Variants in ADAMTSL1 observed in about 807,000 individuals in gnomAD.
The protein encoded by ADAMTSL1 is ADAMTS-like protein 1.
In ADAMTSL1, 126 loss-of-function variants were observed where a neutral mutation model predicts 201.8. The ratio of observed to expected loss-of-function variants is 0.62; its 90% CI spans 0.54 to 0.72. The LOEUF is 0.72. Among genes scored for constraint, ADAMTSL1 ranks in the 30% least tolerant of loss-of-function variants. ADAMTSL1 has a pLI of 0.00. For missense variants in ADAMTSL1, 2,679 were observed against 2,277.8 expected, an observed-to-expected ratio of 1.18 and a Z score of -3.59; for synonymous variants, 1,121 against 903.4, an observed-to-expected ratio of 1.24 and a Z score of -4.32.
chr9:18,798,031 C>T (rs1180191890), intron 20 of ADAMTSL1, among the ~76,000 whole-genome samples: 1 of 151,556 alleles, frequency 6.6e-6, no homozygotes. Flanking sequence ...CTCAGCACTA[C>T]TATGTTTTTA....
intron 20 of ADAMTSL1, among the ~76,000 whole-genome samples, chr9:18,809,503 C>G (rs1368650710): frequency 1.3e-5 from 2 of 152,088 alleles, no homozygotes; most frequent in Admixed American, 6.6e-5. Context: ...TGAAAAGGAG[C>G]TTGAGGCCGG....
intron 1 of ADAMTSL1, among the ~76,000 whole-genome samples, chr9:18,062,623 G>A (rs1406377237): frequency 6.6e-6 from 1 of 152,250 alleles, no homozygotes; most frequent in African/African-American, 2.4e-5. Flanking sequence ...GACAGTCTGA[G>A]TAAGGAGAAC....
chr9:18,324,739 G>A (rs1834761580), intron 2 of ADAMTSL1, among the ~76,000 whole-genome samples: 1 of 151,132 alleles, frequency 6.6e-6, no homozygotes, highest in Non-Finnish European at 1.5e-5. Flanking sequence ...ACTCCAGCCT[G>A]GGCAACAAGA....
At chr9:17,928,995 A>G (rs1324187008) in intron 1 of ADAMTSL1, among the ~76,000 whole-genome samples, 1 of 152,020 alleles carries the variant, frequency 6.6e-6, no homozygotes, top group Non-Finnish European at 1.5e-5. Flanking sequence ...TCCTGAGTGC[A>G]TGTGTGGGTG....
chr9:18,149,068 T>G (rs1021847300), intron 1 of ADAMTSL1, among the ~76,000 whole-genome samples: 1 of 152,100 alleles, frequency 6.6e-6, no homozygotes, highest in Non-Finnish European at 1.5e-5. Flanking sequence ...AAGTGGCTTA[T>G]GCTGTAGAGG....
chr9:17,982,388 G>T (rs1479287062), intron 1 of ADAMTSL1, among the ~76,000 whole-genome samples: 1 of 152,144 alleles, frequency 6.6e-6, no homozygotes, highest in Non-Finnish European at 1.5e-5. Context: ...GCGGAGGTGG[G>T]TGGATCACGA....
At chr9:18,195,355 C>A (rs975602874) in intron 2 of ADAMTSL1, among the ~76,000 whole-genome samples, 1 of 152,078 alleles carries the variant, frequency 6.6e-6, no homozygotes, top group Admixed American at 6.5e-5. Context: ...CATCTGTGTG[C>A]CAGGCTACAT....
At chr9:18,323,098 A>G (rs1834691905) in intron 2 of ADAMTSL1, among the ~76,000 whole-genome samples, 1 of 152,224 alleles carries the variant, frequency 6.6e-6, no homozygotes, top group Non-Finnish European at 1.5e-5. Context: ...AAGGGATATT[A>G]CACATCACTG....
rs59384342 is a variant in ADAMTSL1, at chr9:18,224,973, A to G, written c.207+60992A>G. Among the ~76,000 whole-genome samples, 1,514 of 152,216 alleles carry G rather than the reference A, an allele frequency of 9.9e-3. 24 individuals are homozygous for G. Among genetic ancestry groups the G allele is most frequent in the African/African-American group, 0.034 (1,422 of 41,530 alleles). Reference sequence around the variant, plus strand: ...TACCTCATTATCAGCATCTTCATGCATAAAACTTTTTCTAAATTTCTCATC... The same window carrying G: ...TACCTCATTATCAGCATCTTCATGCGTAAAACTTTTTCTAAATTTCTCATC... On this transcript the variant is annotated intron_variant, in intron 2 of 29. Transcript: ENST00000680146.
chr9:18,745,202 T>G (rs148144134), intron 15 of ADAMTSL1, among the ~76,000 whole-genome samples: 94 of 152,316 alleles, frequency 6.2e-4, no homozygotes, highest in African/African-American at 2.1e-3. Context: ...ACTGCCTGAG[T>G]CAATTATTAT....
intron 13 of ADAMTSL1, among the ~76,000 whole-genome samples, chr9:18,699,218 C>T (rs1460167825): frequency 6.6e-6 from 1 of 152,156 alleles, no homozygotes; most frequent in Non-Finnish European, 1.5e-5. Flanking sequence ...GGCCAGCTGC[C>T]TCTCAACCCA....
At chr9:17,929,275 T>C (rs1826680015) in intron 1 of ADAMTSL1, among the ~76,000 whole-genome samples, 1 of 152,042 alleles carries the variant, frequency 6.6e-6, no homozygotes, top group Admixed American at 6.6e-5. Context: ...CTTTTCGTTA[T>C]CACCTCCCAA....
intron 1 of ADAMTSL1, among the ~76,000 whole-genome samples, chr9:18,092,614 C>T (rs1284988411): frequency 6.6e-6 from 1 of 152,086 alleles, no homozygotes; most frequent in African/African-American, 2.4e-5. Flanking sequence ...CCAGTCTTTC[C>T]CCAATACTTG....
chr9:18,724,448 C>T (rs1458171507), intron 15 of ADAMTSL1, among the ~76,000 whole-genome samples: 1 of 152,208 alleles, frequency 6.6e-6, no homozygotes, highest in East Asian at 1.9e-4. Flanking sequence ...GCAAATACAT[C>T]CTCATACCTG....
At chr9:18,778,792 A>G (rs1017808812) in intron 19 of ADAMTSL1, among the ~76,000 whole-genome samples, 1 of 152,244 alleles carries the variant, frequency 6.6e-6, no homozygotes, top group Non-Finnish European at 1.5e-5. Context: ...GTAATTTACT[A>G]AAGGTTGTAT....
At chr9:18,316,775 A>G (rs12004283) in intron 2 of ADAMTSL1, among the ~76,000 whole-genome samples, 11,103 of 152,182 alleles carry the variant, frequency 0.073, 416 homozygotes, top group Middle Eastern at 0.13. Flanking sequence ...AGGCATAGGA[A>G]ATCACAAGGG....
At chr9:18,283,217 T>C (rs1018281618) in intron 2 of ADAMTSL1, among the ~76,000 whole-genome samples, 4 of 152,196 alleles carry the variant, frequency 2.6e-5, no homozygotes, top group Admixed American at 2.0e-4. Context: ...CTAGCAATAT[T>C]TTTGTCTTAA....
chr9:18,533,915 G>T (rs1215914698), intron 3 of ADAMTSL1, among the ~76,000 whole-genome samples: 1 of 152,180 alleles, frequency 6.6e-6, no homozygotes, highest in South Asian at 2.1e-4. Flanking sequence ...GATACAGCTT[G>T]GAGGACTGTG....
At chr9:18,154,216 T>C (rs963403429) in intron 1 of ADAMTSL1, among the ~76,000 whole-genome samples, 1 of 152,082 alleles carries the variant, frequency 6.6e-6, no homozygotes, top group African/African-American at 2.4e-5. Flanking sequence ...TGGTGTTCCA[T>C]TGACCTATTG....
Sources: gnomAD v4.1 joint callset for allele counts (sites outside exome capture counted in the v4.1 genomes callset) on GRCh38, gnomAD v4.1.1 for gene constraint, MANE v1.5 for transcripts, NCBI Gene and HGNC (gene_info 2026-07-23, HGNC 2026-07-21) for gene names.